SLCO6A1: variants seen among roughly 807,000 people sequenced by gnomAD.
SLCO6A1 encodes the protein cancer/testis antigen 48.
Under a neutral mutation model 72.7 loss-of-function variants are expected in SLCO6A1, and 65 were observed. The ratio of observed to expected loss-of-function variants is 0.89; its 90% CI spans 0.73 to 1.10. The LOEUF (loss-of-function observed/expected upper bound fraction) is 1.10. Among genes scored for constraint, SLCO6A1 ranks in the 50% least tolerant of loss-of-function variants. The pLI, the probability that SLCO6A1 is intolerant of heterozygous loss-of-function variation, is 0.00. For synonymous variants in SLCO6A1, 314 were observed against 298.2 expected, an observed-to-expected ratio of 1.05 and a Z score of -0.55; for missense variants, 874 against 872.6, an observed-to-expected ratio of 1.00 and a Z score of -0.02.
intron 7 of SLCO6A1, among the ~76,000 whole-genome samples, chr5:102,433,577 C>A (rs976583819): frequency 1.3e-5 from 2 of 152,146 alleles, no homozygotes; most frequent in African/African-American, 4.8e-5. Flanking sequence ...CTCCTGGGGA[C>A]CAGTATTGGG....
chr5:102,436,842 G>A (rs1749563357), intron 7 of SLCO6A1, among the ~76,000 whole-genome samples: 1 of 152,128 alleles, frequency 6.6e-6, no homozygotes, highest in African/African-American at 2.4e-5. Flanking sequence ...TTTTGACTTT[G>A]TGAACTTATA....
At chr5:102,433,340 A>G (rs1291295008) in intron 7 of SLCO6A1, among the ~76,000 whole-genome samples, 1 of 152,132 alleles carries the variant, frequency 6.6e-6, no homozygotes, top group Non-Finnish European at 1.5e-5. Context: ...AGAAGACCTT[A>G]TGGCCTTTTG....
rs567258829 is a variant in SLCO6A1 at position 102,452,122 on chromosome 5, A to T, written c.1131+6260T>A. Among the ~76,000 whole-genome samples, 3 of 152,312 alleles carry T rather than the reference A, an allele frequency of 2.0e-5. No homozygotes were observed. In the East Asian group the frequency reaches 5.8e-4, roughly 29 times the overall value. Reference sequence around the variant, plus strand: ...AGTTCACAATATGTTTAATATCATAATATTCATTGACACTTCCTTATTCAT... The same window carrying T: ...AGTTCACAATATGTTTAATATCATATTATTCATTGACACTTCCTTATTCAT... On this transcript the variant is annotated intron_variant, in intron 6 of 13. Transcript: ENST00000506729.
intron 1 of SLCO6A1, among the ~76,000 whole-genome samples, chr5:102,484,287 T>C (rs1169925899): frequency 6.6e-6 from 1 of 152,204 alleles, no homozygotes; most frequent in Non-Finnish European, 1.5e-5. Context: ...TTTCCATCTT[T>C]GAGGGTTCGT....
At chr5:102,437,591 T>C (rs770122382) in intron 7 of SLCO6A1, among the ~76,000 whole-genome samples, 1 of 152,104 alleles carries the variant, frequency 6.6e-6, no homozygotes, top group Non-Finnish European at 1.5e-5. Context: ...ATGAAAAAAT[T>C]TGTCATTATG....
intron 7 of SLCO6A1, among the ~76,000 whole-genome samples, chr5:102,427,968 T>C (rs902856134): frequency 2.7e-5 from 4 of 148,910 alleles, no homozygotes; most frequent in Non-Finnish European, 5.9e-5. Context: ...TCCTGGGTTC[T>C]AGCCATTCTC....
At chr5:102,404,718 C>T (rs1747580712) in intron 9 of SLCO6A1, among the ~76,000 whole-genome samples, 1 of 151,880 alleles carries the variant, frequency 6.6e-6, no homozygotes, top group Non-Finnish European at 1.5e-5. Context: ...TTTATGTACA[C>T]AATGTTAGTA....
chr5:102,377,074 G>A (rs1008246790), intron 12 of SLCO6A1, among the ~76,000 whole-genome samples: 3 of 152,096 alleles, frequency 2.0e-5, no homozygotes, highest in Non-Finnish European at 2.9e-5. Flanking sequence ...TGAGGCAGGA[G>A]GATTACTTGA....
At chr5:102,469,091 C>T (rs62371030) in intron 4 of SLCO6A1, among the ~76,000 whole-genome samples, 8,219 of 151,510 alleles carry the variant, frequency 0.054, 367 homozygotes, top group Non-Finnish European at 0.073. Flanking sequence ...AGTCAGGTAG[C>T]GTGATGCCTC....
At chr5:102,451,391 T>C (rs895149741) in intron 6 of SLCO6A1, among the ~76,000 whole-genome samples, 5 of 152,176 alleles carry the variant, frequency 3.3e-5, no homozygotes, top group Non-Finnish European at 7.3e-5. Context: ...TTATCAGCAC[T>C]GTGGATATGG....
At chr5:102,456,352 A>G (rs1338901882) in intron 6 of SLCO6A1, among the ~76,000 whole-genome samples, 1 of 152,170 alleles carries the variant, frequency 6.6e-6, no homozygotes, top group Non-Finnish European at 1.5e-5. Flanking sequence ...TATATCTAGA[A>G]AACCCCATTG....
chr5:102,430,217 G>T lies in SLCO6A1; in HGVS notation c.1276+8400C>A, dbSNP rs559638770. ...GGAGCTTTTGGGCCAAGACTATGGGGTTTTCTAGATATAGAATCATGTTGT... is the reference window on the plus strand; with the variant it reads ...GGAGCTTTTGGGCCAAGACTATGGGTTTTTCTAGATATAGAATCATGTTGT... On this transcript the variant is annotated intron_variant, in intron 7 of 13. Transcript: ENST00000506729. 1.2e-4 allele frequency among the ~76,000 whole-genome samples: 19 copies of T among 152,200 alleles called. No homozygotes were observed. In the South Asian group the frequency reaches 2.9e-3, roughly 23 times the overall value.
intron 9 of SLCO6A1, among the ~76,000 whole-genome samples, chr5:102,409,608 T>A (rs1342564897): frequency 6.6e-6 from 1 of 152,198 alleles, no homozygotes; most frequent in Non-Finnish European, 1.5e-5. Context: ...ATCAAAGCCA[T>A]TTTTCCTAGC....
intron 12 of SLCO6A1, among the ~76,000 whole-genome samples, chr5:102,386,508 A>G (rs2112503659): frequency 6.6e-6 from 1 of 151,852 alleles, no homozygotes; most frequent in African/African-American, 2.4e-5. Flanking sequence ...TATGGGGACT[A>G]CTCTGGAGCC....
chr5:102,481,498 C>T (rs922632369), intron 1 of SLCO6A1, among the ~76,000 whole-genome samples: 3 of 152,158 alleles, frequency 2.0e-5, no homozygotes, highest in African/African-American at 7.2e-5. Context: ...GCATGTAAGT[C>T]GAAGTCAGCT....
intron 10 of SLCO6A1, 113 bp from the exon 11 acceptor site, chr5:102,391,158 A>C: frequency 1.0e-6 from 1 of 959,034 alleles, no homozygotes; most frequent in Non-Finnish European, 1.6e-6. Flanking sequence ...TTGTACTAAG[A>C]ATCTTTAGCC....
intron 7 of SLCO6A1, among the ~76,000 whole-genome samples, chr5:102,432,378 T>C (rs1749268432): frequency 6.6e-6 from 1 of 152,194 alleles, no homozygotes; most frequent in African/African-American, 2.4e-5. Context: ...GGTAATGGTC[T>C]TTCCTTTCCA....
intron 7 of SLCO6A1, among the ~76,000 whole-genome samples, chr5:102,438,187 C>A (rs1749648150): frequency 6.6e-6 from 1 of 151,764 alleles, no homozygotes; most frequent in African/African-American, 2.4e-5. Flanking sequence ...AAATAGCAAA[C>A]TGAAATGCAT....
At chr5:102,481,398 G>T (rs1023541931) in intron 1 of SLCO6A1, among the ~76,000 whole-genome samples, 1 of 152,098 alleles carries the variant, frequency 6.6e-6, no homozygotes, top group Non-Finnish European at 1.5e-5. Flanking sequence ...ACCCAGCATT[G>T]CTCCTGATGC....
Sources: gnomAD v4.1 joint callset for allele counts (sites outside exome capture counted in the v4.1 genomes callset) on GRCh38, gnomAD v4.1.1 for gene constraint, MANE v1.5 for transcripts, NCBI Gene and HGNC (gene_info 2026-07-23, HGNC 2026-07-21) for gene names.